Variants in DPYSL2 observed in about 807,000 individuals in gnomAD.
DPYSL2 encodes dihydropyrimidinase like 2.
Under a neutral mutation model 69.9 loss-of-function variants are expected in DPYSL2, and 13 were observed. That is an observed-to-expected ratio of 0.19 (90% CI 0.12 to 0.30). DPYSL2 has a LOEUF of 0.30. DPYSL2 is among the 10% of genes least tolerant of loss of function. The pLI is 1.00. For synonymous variants in DPYSL2, 326 were observed against 359.1 expected (o/e 0.91, Z 1.04); for missense variants, 587 against 918.9 (o/e 0.64, Z 4.67).
In DPYSL2 at chr8:26,624,434, G is replaced by A; in HGVS notation, c.793+127G>A. On this transcript the variant is annotated intron_variant, in intron 4 of 13. Transcript: ENST00000521913. The surrounding 1 kb of genome is among the most constrained non-coding windows in gnomAD (Gnocchi z 4.7). ...GTGCCTCATGCCCATGCCTGCCCCT[G>A]GGAAGGAGAGAGGGCTTTGGGCCGC... 8.0e-7 allele frequency: 1 copy of A among 1,249,630 alleles called. No homozygotes were observed. The highest frequency in any genetic ancestry group is 2.3e-5 in the East Asian group (1 of 42,588). 77.4% of individuals were successfully genotyped at this position (1,249,630 alleles called of 1,614,324 possible).
intron 1 of DPYSL2, among the ~76,000 whole-genome samples, chr8:26,519,303 A>G (rs1471132089): frequency 6.6e-6 from 1 of 152,232 alleles, no homozygotes; most frequent in Non-Finnish European, 1.5e-5. Flanking sequence ...CAAGAGACCT[A>G]ATGATTGTTT....
At position 26,588,452 on chromosome 8, in the gene DPYSL2, C is replaced by T. The variant is rs142757253; in HGVS notation, c.628+4469C>T. Among the ~76,000 whole-genome samples, 286 of 152,148 alleles carry T rather than the reference C, an allele frequency of 1.9e-3. 1 individual carries two copies. Among genetic ancestry groups the T allele is most frequent in the African/African-American group, 6.6e-3 (274 of 41,490 alleles). On this transcript the variant is annotated intron_variant, in intron 3 of 13. Coordinates refer to ENST00000521913, the MANE Select transcript of DPYSL2 (RefSeq NM_001197293.3). This position sits in a 1 kb window ranked among gnomAD's most constrained non-coding sequence, Gnocchi z 5.4. ...AAGCATGACTTTCAGGGGTGCATGC[C>T]GGATCTGCACACTCTGGATCTCCAG...
rs1161213675 is a variant in DPYSL2, at chr8:26,627,609, T to G, written c.937-263T>G. 6.6e-6 allele frequency among the ~76,000 whole-genome samples: 1 copy of G among 152,194 alleles called. No homozygotes were observed. Among genetic ancestry groups the G allele is most frequent in the African/African-American group, 2.4e-5 (1 of 41,448 alleles). ...ACACACAGGCATTTTACACCGTGGC[T>G]GAGGGTTGCAAATGCACCAGTCGTC... On this transcript the variant is annotated intron_variant, in intron 6 of 13. Coordinates refer to ENST00000521913, the MANE Select transcript of DPYSL2 (RefSeq NM_001197293.3). The surrounding 1 kb of genome is among the most constrained non-coding windows in gnomAD (Gnocchi z 6.9).
In DPYSL2 at chr8:26,641,260, C is replaced by T. The variant is rs1221582555; in HGVS notation, c.1127-2179C>T. ...CCAGCCATTCTTTATCTCCAAGTGCCTCTGCTCTCATGAACTTCTTCATGT... is the reference window on the plus strand; with the variant it reads ...CCAGCCATTCTTTATCTCCAAGTGCTTCTGCTCTCATGAACTTCTTCATGT... On this transcript the variant is annotated intron_variant, in intron 8 of 13. Coordinates refer to ENST00000521913, the MANE Select transcript of DPYSL2 (RefSeq NM_001197293.3). The surrounding 1 kb of genome is among the most constrained non-coding windows in gnomAD (Gnocchi z 4.1). Among the ~76,000 whole-genome samples the T allele has an allele frequency of 1.3e-5, 2 of 152,216 alleles. No homozygotes were observed. The highest frequency in any genetic ancestry group is 3.8e-4 in the East Asian group (2 of 5,202).
chr8:26,625,178 G>C (rs901648563), intron 4 of DPYSL2, among the ~76,000 whole-genome samples: 4 of 152,186 alleles, frequency 2.6e-5, no homozygotes, highest in African/African-American at 9.7e-5. Flanking sequence ...CAGACTAACT[G>C]TGTGACCCTG....
chr8:26,574,960 T>C (rs902577146), intron 1 of DPYSL2, among the ~76,000 whole-genome samples: 2 of 152,040 alleles, frequency 1.3e-5, no homozygotes, highest in African/African-American at 4.8e-5. Flanking sequence ...TGAGATGGAG[T>C]TTCGCTCTTG....
At chr8:26,528,722 G>A (rs1808530226) in intron 1 of DPYSL2, among the ~76,000 whole-genome samples, 1 of 151,846 alleles carries the variant, frequency 6.6e-6, no homozygotes, top group Non-Finnish European at 1.5e-5. Flanking sequence ...GGAAACAGGA[G>A]GCACTGAAAG....
In DPYSL2 at chr8:26,605,481, G is replaced by A. The variant is rs144805423; in HGVS notation, c.629-18662G>A. Among the ~76,000 whole-genome samples the A allele has an allele frequency of 0.018, 2,716 of 151,908 alleles. 30 individuals are homozygous for A. Among genetic ancestry groups the A allele is most frequent in the Non-Finnish European group, 0.03 (2,011 of 67,974 alleles). ...AATTTTTATATTTTTAGTAGAGATGGGATTTCACCATGTTGGCCAGGCTGG... is the reference window on the plus strand; with the variant it reads ...AATTTTTATATTTTTAGTAGAGATGAGATTTCACCATGTTGGCCAGGCTGG... On this transcript the variant is annotated intron_variant, in intron 3 of 13. Transcript: ENST00000521913. The surrounding 1 kb of genome is among the most constrained non-coding windows in gnomAD (Gnocchi z 4.1).
intron 3 of DPYSL2, among the ~76,000 whole-genome samples, chr8:26,584,728 T>A (rs1210906174): frequency 6.6e-6 from 1 of 151,008 alleles, no homozygotes; most frequent in African/African-American, 2.4e-5. Context: ...CAAGTGATTC[T>A]CCTGGCTCAG....
At position 26,627,206 on chromosome 8, in the gene DPYSL2, C is replaced by T; in HGVS notation, c.856-9C>T. ...CCTGTCTCTGATCCCACCCTTGTCT[C>T]TCTCTCAGATTTATGAAGTACTGAG... On this transcript the variant is annotated splice_polypyrimidine_tract_variant and intron_variant, in intron 5 of 13. Coordinates refer to ENST00000521913, the MANE Select transcript of DPYSL2 (RefSeq NM_001197293.3). The surrounding 1 kb of genome is among the most constrained non-coding windows in gnomAD (Gnocchi z 6.9). The T allele has an allele frequency of 6.2e-7, 1 of 1,614,004 alleles. No individual in the cohort carries two copies. Among genetic ancestry groups the T allele is most frequent in the Non-Finnish European group, 8.5e-7 (1 of 1,179,856 alleles).
chr8:26,623,639 C>T (rs1802548074), intron 3 of DPYSL2, among the ~76,000 whole-genome samples: 1 of 152,170 alleles, frequency 6.6e-6, no homozygotes, highest in African/African-American at 2.4e-5. Flanking sequence ...CCTTAAATTA[C>T]AAAGTGGTAT....
intron 1 of DPYSL2, among the ~76,000 whole-genome samples, chr8:26,574,694 T>C (rs1461114300): frequency 6.6e-6 from 1 of 152,250 alleles, no homozygotes; most frequent in African/African-American, 2.4e-5. Context: ...TAATAATTCA[T>C]AATTTTACAG....
intron 3 of DPYSL2, among the ~76,000 whole-genome samples, chr8:26,612,685 T>A (rs1585546002): frequency 6.6e-6 from 1 of 152,278 alleles, no homozygotes; most frequent in Middle Eastern, 3.4e-3. Flanking sequence ...GCACATTAGG[T>A]TAAGGTCAGT....
chr8:26,558,799 G>A (rs536850825), intron 1 of DPYSL2, among the ~76,000 whole-genome samples: 32 of 152,198 alleles, frequency 2.1e-4, no homozygotes, highest in Middle Eastern at 3.4e-3. Context: ...AAAAAGATGG[G>A]ATCCTAATGT....
At chr8:26,570,669 G>A (rs140462958) in intron 1 of DPYSL2, among the ~76,000 whole-genome samples, 7,369 of 151,182 alleles carry the variant, frequency 0.049, 207 homozygotes, top group South Asian at 0.093. Context: ...AGGAGGCAGA[G>A]GTTGCAGTGA....
At position 26,588,952 on chromosome 8, in the gene DPYSL2, C is replaced by T. The variant is rs989075934; in HGVS notation, c.628+4969C>T. On this transcript the variant is annotated intron_variant, in intron 3 of 13. Transcript: ENST00000521913. The surrounding 1 kb of genome is among the most constrained non-coding windows in gnomAD (Gnocchi z 5.4). Reference sequence around the variant, plus strand: ...CCCACACAGATTTGACTTTTGTCACCTCTTCCTGGATTTTGGCCCTGTCCT... The same window carrying T: ...CCCACACAGATTTGACTTTTGTCACTTCTTCCTGGATTTTGGCCCTGTCCT... 5.3e-5 allele frequency among the ~76,000 whole-genome samples: 8 copies of T among 152,206 alleles called. No individual in the cohort carries two copies. Among genetic ancestry groups the T allele is most frequent in the African/African-American group, 1.9e-4 (8 of 41,448 alleles).
rs1413515598 is a variant in DPYSL2 at position 26,653,521 on chromosome 8, G to A, written c.1942+124G>A. 8.3e-6 allele frequency: 9 copies of A among 1,081,028 alleles called. No individual in the cohort carries two copies. The highest frequency in any genetic ancestry group is 4.8e-5 in the African/African-American group (3 of 63,112). The allele number at this position is 1,081,028 out of a possible 1,614,324, so 67.0% of individuals were successfully genotyped here. On this transcript the variant is annotated intron_variant, in intron 13 of 13. Transcript: ENST00000521913. The surrounding 1 kb of genome is among the most constrained non-coding windows in gnomAD (Gnocchi z 5.7). ...GAATGATATTCCCTTTCTCTCCAAC[G>A]TGAGAAATACAGTGGACTCAGATCT...
In DPYSL2 at chr8:26,533,700, G is replaced by C. The variant is rs931122632; in HGVS notation, c.354+19021G>C. ...TAGAGAAACCACTGGTGCCAAAAAG[G>C]CTGCATCGGGAGTGAAGTCAATGAC... On this transcript the variant is annotated intron_variant, in intron 1 of 13. Coordinates refer to ENST00000521913, the MANE Select transcript of DPYSL2 (RefSeq NM_001197293.3). This position sits in a 1 kb window ranked among gnomAD's most constrained non-coding sequence, Gnocchi z 4.8. Among the ~76,000 whole-genome samples the C allele has an allele frequency of 6.6e-6, 1 of 152,208 alleles. No individual in the cohort carries two copies. Among genetic ancestry groups the C allele is most frequent in the Non-Finnish European group, 1.5e-5 (1 of 68,046 alleles).
intron 1 of DPYSL2, among the ~76,000 whole-genome samples, chr8:26,579,442 G>A (rs62491889): frequency 0.014 from 2,081 of 152,322 alleles, 26 homozygotes; most frequent in Middle Eastern, 0.068. Flanking sequence ...AATTGCAACC[G>A]GCCAGCTGAT....
Sources: gnomAD v4.1 joint callset for allele counts (sites outside exome capture counted in the v4.1 genomes callset) on GRCh38, gnomAD v4.1.1 for gene constraint, Gnocchi (gnomAD v3.1) non-coding constraint, MANE v1.5 for transcripts, NCBI Gene and HGNC (gene_info 2026-07-23, HGNC 2026-07-21) for gene names.